The following VPS13A variants were observed in gnomAD, a reference collection of about 807,000 sequenced individuals.
VPS13A encodes the protein intermembrane lipid transfer protein VPS13A.
Under a neutral mutation model 390.9 loss-of-function variants are expected in VPS13A, and 264 were observed. The observed-to-expected ratio is 0.68, with a 90% CI of 0.61 to 0.75. The LOEUF (loss-of-function observed/expected upper bound fraction) is 0.75, where lower values mean the gene tolerates loss of function less well. Ranked by LOEUF, VPS13A falls within the 30% of genes least tolerant of loss-of-function variation. The pLI is 0.00. For missense variants in VPS13A, 3,409 were observed against 3,733.9 expected (o/e 0.91, Z 2.27); for synonymous variants, 1,231 against 1,227.1 (o/e 1.00, Z -0.07).
chr9:77,260,322 T>C (rs1825683517), intron 23 of VPS13A, 98 bp downstream of exon 23: 2 of 1,367,066 alleles, frequency 1.5e-6, no homozygotes, highest in Non-Finnish European at 2.0e-6. Context: ...CAATTTGCAA[T>C]TTGTTTTGAA....
At chr9:77,357,921 A>T (rs1192262270) in intron 56 of VPS13A, 83 bp downstream of exon 56, 3 of 1,064,310 alleles carry the variant, frequency 2.8e-6, no homozygotes, top group Non-Finnish European at 4.2e-6. Flanking sequence ...GGTCTGCTTT[A>T]TCTAGTATTC....
chr9:77,308,072 C>T lies in VPS13A; in HGVS notation c.4088C>T (p.Thr1363Ile). The change falls in exon 35 of 72, where the codon ACT becomes ATT. Residue 1363 changes from threonine (T) to isoleucine (I), a missense_variant. This residue lies in a region of VPS13A where 2,717 missense variants were observed against 2,917.4 expected (regional missense o/e 0.93). Transcript: ENST00000360280. Reference protein sequence around the residue: ...KDQYSATSGVTTNASHHSGGA... With the variant: ...KDQYSATSGVITNASHHSGGA... The stretch of plus-strand genomic sequence containing the variant: ...CAATACAGTGCCACTAGTGGAGTTA[C>T]TACTAATGCTTCACACCATTCAGGA... 6.2e-7 allele frequency: 1 copy of T among 1,613,926 alleles called. No individual in the cohort carries two copies. Among genetic ancestry groups the T allele is most frequent in the Non-Finnish European group, 8.5e-7 (1 of 1,179,910 alleles).
In VPS13A at chr9:77,306,401, A is replaced by AGAGAGAGTGTGTGT. The variant is rs550279922; in HGVS notation, c.3961-1543_3961-1542insAGAGAGTGTGTGTG. On this transcript the variant is annotated intron_variant, in intron 34 of 71. Coordinates refer to ENST00000360280, the MANE Select transcript of VPS13A (RefSeq NM_033305.3). ...GGGTTCTCCAGAGAGAGAGAGAGAG[A>AGAGAGAGTGTGTGT]GTGTGTGTGTGTTTGTGTGTGTGTG... 4.5e-3 allele frequency among the ~76,000 whole-genome samples: 483 copies of AGAGAGAGTGTGTGT among 107,722 alleles called. 3 individuals carry two copies. Among genetic ancestry groups the AGAGAGAGTGTGTGT allele is most frequent in the African/African-American group, 0.016 (451 of 28,600 alleles). The allele number at this position is 107,722 out of a possible 152,430, so 70.7% of individuals were successfully genotyped here.
At position 77,344,187 on chromosome 9, in the gene VPS13A, A is replaced by T. The variant is rs1250903601; in HGVS notation, c.7061A>T (p.Lys2354Ile). The change falls in exon 51 of 72, where the codon AAA (lysine) becomes ATA (isoleucine). Residue 2354 changes from lysine (K) to isoleucine (I), a missense_variant. By Grantham distance (102) the Lys-to-Ile change is moderately radical. Around this residue, in one of 5 missense-constraint regions of VPS13A, gnomAD observed 2,717 missense variants for 2,917.4 expected, o/e 0.93. Transcript: ENST00000360280. ...TTTTGGCCTGAGTATGCTTCTAGTA[A>T]ACTTCTTATTCAAGTCGAAAGGAGT... ...IPFWPEYASS[K>I]LLIQVERSED... 1 of 1,611,142 alleles carries T rather than the reference A, an allele frequency of 6.2e-7. No homozygotes were observed. The highest frequency in any genetic ancestry group is 8.5e-7 in the Non-Finnish European group (1 of 1,177,540).
chr9:77,187,181 G>A (rs1364426418), intron 1 of VPS13A, among the ~76,000 whole-genome samples: 1 of 152,298 alleles, frequency 6.6e-6, no homozygotes, highest in East Asian at 1.9e-4. Context: ...GAATAATGGT[G>A]TTATGAATGT....
At chr9:77,374,390 C>T (rs757241373) in intron 67 of VPS13A, among the ~76,000 whole-genome samples, 3 of 151,942 alleles carry the variant, frequency 2.0e-5, no homozygotes, top group Non-Finnish European at 2.9e-5. Flanking sequence ...ACTGTAATAC[C>T]GCAATAGTCA....
intron 10 of VPS13A, among the ~76,000 whole-genome samples, chr9:77,216,477 A>G (rs546233988): frequency 6.6e-6 from 1 of 152,284 alleles, no homozygotes; most frequent in South Asian, 2.1e-4. Flanking sequence ...GTGAAAGAGA[A>G]TGGTGTCTAG....
At chr9:77,198,508 G>C (rs1010804398) in intron 1 of VPS13A, among the ~76,000 whole-genome samples, 2 of 152,110 alleles carry the variant, frequency 1.3e-5, no homozygotes, top group Admixed American at 6.6e-5. Context: ...TGGAGTTTTG[G>C]ATTAGTGATG....
Position 77,276,150 on chromosome 9 carries a change from A to C in VPS13A, c.2753A>C (p.Glu918Ala). The C allele has an allele frequency of 6.2e-7, 1 of 1,612,324 alleles. No individual in the cohort carries two copies. Among genetic ancestry groups the C allele is most frequent in the South Asian group, 1.1e-5 (1 of 90,708 alleles). ...ILVLGLGAEI[E>A]IRTYDLKANA... ...GTTTTAGGATTGGGTGCAGAAATTG[A>C]GATTAGAACATACGATTTGAAAGCA... Residue 918 changes from glutamate to alanine, a missense_variant, in exon 26 of 72, where the codon GAG becomes GCG. Glu to Ala is a moderately radical substitution (Grantham distance 107, BLOSUM62 -1). Transcript: ENST00000360280.
At chr9:77,248,570 A>G (rs1288897197) in intron 20 of VPS13A, among the ~76,000 whole-genome samples, 2 of 151,672 alleles carry the variant, frequency 1.3e-5, no homozygotes, top group Non-Finnish European at 2.9e-5. Context: ...TAGAGAATAC[A>G]TTTTTTTGGC....
intron 68 of VPS13A, among the ~76,000 whole-genome samples, chr9:77,385,452 A>C (rs1480009667): frequency 2.3e-5 from 3 of 130,100 alleles, no homozygotes; most frequent in Non-Finnish European, 3.6e-5. Flanking sequence ...TTCTATTATG[A>C]ATTCAGAATA....
rs149694033 is a variant in VPS13A at position 77,323,120 on chromosome 9, C to T, written c.5884C>T (p.Arg1962Cys). The T allele has an allele frequency of 5.0e-3, 7,991 of 1,613,306 alleles. 27 individuals carry two copies. The highest frequency in any genetic ancestry group is 5.9e-3 in the Non-Finnish European group (7,002 of 1,179,490). ...DKIPLTKVGR[R>C]LYTVRHRESG... ...GATTCCTTTAACAAAAGTGGGACGA[C>T]GTCTGTACACTGTAAGACACAGAGA... is the stretch of plus-strand genomic sequence containing the variant. The change falls in exon 45 of 72, where the codon CGT becomes TGT. Residue 1962 changes from arginine to cysteine, a missense_variant. Arg to Cys is a radical substitution (Grantham distance 180). Transcript: ENST00000360280.
At chr9:77,226,375 A>T (rs571995597) in intron 14 of VPS13A, 91 bp from the exon 15 acceptor site, 3 of 1,220,956 alleles carry the variant, frequency 2.5e-6, no homozygotes, top group Non-Finnish European at 3.6e-6. Context: ...TTTGCTCAAG[A>T]GGATAAGTTC....
At chr9:77,364,431 A>C (rs554225595) in intron 59 of VPS13A, among the ~76,000 whole-genome samples, 2 of 152,186 alleles carry the variant, frequency 1.3e-5, no homozygotes, top group East Asian at 3.9e-4. Context: ...GTCTCGAAAA[A>C]AACAAACAAA....
intron 1 of VPS13A, 96 bp downstream of exon 1, chr9:77,177,900 T>G: frequency 1.7e-6 from 2 of 1,167,974 alleles, no homozygotes; most frequent in Non-Finnish European, 2.4e-6. Flanking sequence ...TTCGAGCACC[T>G]TGCTCGCCGG....
At chr9:77,395,460 T>C (rs568973557) in intron 68 of VPS13A, among the ~76,000 whole-genome samples, 48 of 152,182 alleles carry the variant, frequency 3.2e-4, no homozygotes, top group African/African-American at 1.1e-3. Context: ...ATAACAGATA[T>C]AATAATGATA....
intron 7 of VPS13A, among the ~76,000 whole-genome samples, chr9:77,211,998 G>A (rs747939809): frequency 2.6e-5 from 4 of 152,120 alleles, no homozygotes; most frequent in Non-Finnish European, 4.4e-5. Context: ...GCCCCTGATG[G>A]AAAAGTTATC....
chr9:77,259,928 A>G (rs2131292571), intron 22 of VPS13A, among the ~76,000 whole-genome samples, 158 bp from the exon 23 acceptor site: 1 of 152,340 alleles, frequency 6.6e-6, no homozygotes, highest in East Asian at 1.9e-4. Context: ...AGCCCATCTA[A>G]TGAAACTGGT....
chr9:77,318,594 A>G lies in VPS13A; in HGVS notation c.5313+3A>G. ...TGCACTGTCAGCTTGAGCTAGAAGT[A>G]AGCATATTTTTCCAGTTTTATAACA... is the stretch of plus-strand genomic sequence containing the variant. On this transcript the variant is annotated splice_donor_region_variant and intron_variant, in intron 41 of 71. Transcript: ENST00000360280. 1 of 1,609,584 alleles carries G rather than the reference A, an allele frequency of 6.2e-7. No individual in the cohort carries two copies.
Sources: allele counts gnomAD v4.1 joint callset (sites outside exome capture counted in the v4.1 genomes callset), GRCh38; gene constraint gnomAD v4.1.1; regional missense constraint gnomAD v4.1.1; transcripts MANE v1.5; gene names NCBI Gene and HGNC (gene_info 2026-07-23, HGNC 2026-07-21).